Variants in CHODL observed in about 807,000 individuals in gnomAD.
CHODL encodes the protein chondrolectin.
CHODL carries 29 observed loss-of-function variants against 34.5 expected under a neutral mutation model. The ratio of observed to expected loss-of-function variants is 0.84; its 90% CI spans 0.63 to 1.15. The LOEUF (loss-of-function observed/expected upper bound fraction) is 1.15. Ranked by LOEUF, CHODL falls within the 50% of genes most tolerant of loss-of-function variation. The probability of loss-of-function intolerance (pLI) is 0.00; values close to 1 mark genes in which losing one functional copy is unlikely to be tolerated. For missense variants in CHODL, 332 were observed against 332.5 expected, an observed-to-expected ratio of 1.00 and a Z score of 0.01; for synonymous variants, 125 against 116.1, an observed-to-expected ratio of 1.08 and a Z score of -0.49.
At chr21:18,155,652 T>G (rs2073025349) in intron 2 of CHODL, among the ~76,000 whole-genome samples, 1 of 152,186 alleles carries the variant, frequency 6.6e-6, no homozygotes, top group Non-Finnish European at 1.5e-5. Flanking sequence ...GCCATTGAGT[T>G]TAGCTAAATC....
chr21:18,232,296 A>C (rs2073986983), intron 2 of CHODL, among the ~76,000 whole-genome samples: 1 of 152,084 alleles, frequency 6.6e-6, no homozygotes, highest in Non-Finnish European at 1.5e-5. Flanking sequence ...TATTTGTCTT[A>C]TTCCATTTGG....
At chr21:17,952,020 G>A (rs531649916) in intron 1 of CHODL, among the ~76,000 whole-genome samples, 1 of 151,988 alleles carries the variant, frequency 6.6e-6, no homozygotes, top group East Asian at 1.9e-4. Context: ...GACTGCTTGA[G>A]CCTAGGAGTT....
chr21:18,234,359 G>T, intron 2 of CHODL, among the ~76,000 whole-genome samples: 1 of 152,088 alleles, frequency 6.6e-6, no homozygotes, highest in Non-Finnish European at 1.5e-5. Context: ...CTATTTTCTT[G>T]CCCTCTACTG....
chr21:18,078,492 T>C (rs1445814654), intron 2 of CHODL, among the ~76,000 whole-genome samples: 1 of 152,208 alleles, frequency 6.6e-6, no homozygotes, highest in Non-Finnish European at 1.5e-5. Context: ...AGCTAAACCA[T>C]GTCAAATGGT....
intron 2 of CHODL, among the ~76,000 whole-genome samples, chr21:18,214,402 G>A (rs1568940144): frequency 1.3e-5 from 2 of 152,180 alleles, no homozygotes; most frequent in East Asian, 3.9e-4. Flanking sequence ...TAAGACTAGT[G>A]TTTTAATTAT....
chr21:18,135,193 C>A (rs2072706620), intron 2 of CHODL, among the ~76,000 whole-genome samples: 2 of 152,118 alleles, frequency 1.3e-5, no homozygotes, highest in South Asian at 2.1e-4. Flanking sequence ...GAGGAAAATT[C>A]TATTTCATCC....
intron 1 of CHODL, among the ~76,000 whole-genome samples, chr21:18,024,237 A>G (rs542485139): frequency 6.6e-6 from 1 of 152,342 alleles, no homozygotes; most frequent in East Asian, 1.9e-4. Flanking sequence ...CCTTCTAACC[A>G]TGATAATAAA....
chr21:18,022,699 C>A (rs1445683079), intron 1 of CHODL, among the ~76,000 whole-genome samples: 1 of 152,080 alleles, frequency 6.6e-6, no homozygotes, highest in Non-Finnish European at 1.5e-5. Context: ...TCCTTCATGC[C>A]CATTATTTCA....
Position 17,932,796 on chromosome 21 carries a change from A to C in CHODL, c.-145+15396A>C, listed in dbSNP as rs1182244405. On this transcript the variant is annotated intron_variant, in intron 1 of 6. Coordinates refer to the CHODL transcript ENST00000400127. ...TGAGAGACTTGGAAAAGAAAAAGAC[A>C]CAGAGACAAAGTATGGAGAAAGAAA... 2.6e-5 allele frequency among the ~76,000 whole-genome samples: 4 copies of C among 152,224 alleles called. No homozygotes were observed. In the East Asian group the frequency reaches 7.7e-4, roughly 29 times the overall value.
At chr21:18,015,858 C>G (rs1362270718) in intron 1 of CHODL, among the ~76,000 whole-genome samples, 1 of 152,124 alleles carries the variant, frequency 6.6e-6, no homozygotes, top group Non-Finnish European at 1.5e-5. Context: ...TTTAGGGTAT[C>G]TTGTGGAAGA....
At chr21:18,255,891 G>A (rs187645648) in intron 1 of CHODL, among the ~76,000 whole-genome samples, 1 of 152,068 alleles carries the variant, frequency 6.6e-6, no homozygotes, top group Non-Finnish European at 1.5e-5. Context: ...TTTTTTCAGA[G>A]ATAGTGAGTA....
intron 1 of CHODL, among the ~76,000 whole-genome samples, chr21:17,983,916 G>C (rs948248349): frequency 6.6e-5 from 10 of 151,720 alleles, no homozygotes; most frequent in South Asian, 2.1e-4. Flanking sequence ...TGTGTGTGGG[G>C]GGGGTGGGGG....
chr21:18,064,115 A>G lies in CHODL; in HGVS notation c.-45+36144A>G, dbSNP rs554752526. ...GTTCTTTTAAGAGCCTTTCTTTGTT[A>G]GCACTCATCACAATTACAATATATT... On this transcript the variant is annotated intron_variant, in intron 2 of 6. Transcript: ENST00000400127. Among the ~76,000 whole-genome samples the G allele has an allele frequency of 2.5e-4, 38 of 152,262 alleles. 1 individual carries two copies. In the South Asian group the frequency reaches 4.4e-3, roughly 17 times the overall value.
chr21:18,212,495 T>C (rs1267826955), intron 2 of CHODL, among the ~76,000 whole-genome samples: 6 of 152,130 alleles, frequency 3.9e-5, no homozygotes, highest in Admixed American at 3.9e-4. Flanking sequence ...CATTTACAAT[T>C]TTATTATATA....
chr21:18,157,645 T>C (rs2073049690), intron 2 of CHODL, among the ~76,000 whole-genome samples: 1 of 152,216 alleles, frequency 6.6e-6, no homozygotes, highest in Admixed American at 6.5e-5. Flanking sequence ...TTCCAAACTG[T>C]CTCATCATCT....
intron 2 of CHODL, among the ~76,000 whole-genome samples, chr21:18,038,216 T>C (rs576853047): frequency 3.8e-4 from 58 of 151,830 alleles, no homozygotes; most frequent in Middle Eastern, 6.8e-3. Context: ...AAATTTGAAA[T>C]GCTAAATTGT....
rs562891742 is a variant in CHODL, at chr21:18,017,520, G to A, written c.-144-10352G>A. On this transcript the variant is annotated intron_variant, in intron 1 of 6. Coordinates refer to the CHODL transcript ENST00000400127. ...ACGCTTCAGAGGGCATGAGCCATAA[G>A]CCTTGGTGGCTTCTGTGTGGTGTTA... Among the ~76,000 whole-genome samples the A allele has an allele frequency of 7.2e-4, 109 of 152,356 alleles. 1 individual carries two copies. Among genetic ancestry groups the A allele is most frequent in the African/African-American group, 2.5e-3 (104 of 41,590 alleles).
At chr21:18,028,136 AT>A (rs1325406283) in intron 2 of CHODL, among the ~76,000 whole-genome samples, 1 of 151,986 alleles carries the variant, frequency 6.6e-6, no homozygotes, top group African/African-American at 2.4e-5. Context: ...TTTGTTGGGA[AT>A]TTTTTTGAAC....
chr21:17,957,663 A>T (rs197541), intron 1 of CHODL, among the ~76,000 whole-genome samples: 206 of 151,758 alleles, frequency 1.4e-3, no homozygotes, highest in Middle Eastern at 3.4e-3. Flanking sequence ...AGGATCCAAG[A>T]TATTAAAAGA....
Sources: gnomAD v4.1 joint callset for allele counts (sites outside exome capture counted in the v4.1 genomes callset) on GRCh38, gnomAD v4.1.1 for gene constraint, MANE v1.5 for transcripts, NCBI Gene and HGNC (gene_info 2026-07-23, HGNC 2026-07-21) for gene names.